The following TMTC1 variants were observed in gnomAD, a reference collection of about 807,000 sequenced individuals.
The protein encoded by TMTC1 is transmembrane O-mannosyltransferase targeting cadherins 1, also known as protein O-mannosyl-transferase TMTC1.
In TMTC1, 73 loss-of-function variants were observed where a neutral mutation model predicts 104.8. The ratio of observed to expected loss-of-function variants is 0.70; its 90% CI spans 0.58 to 0.85. The LOEUF (loss-of-function observed/expected upper bound fraction) is 0.85. TMTC1 is among the 40% of genes least tolerant of loss of function. The probability of loss-of-function intolerance (pLI) is 0.00; values close to 1 mark genes in which losing one functional copy is unlikely to be tolerated. For missense variants in TMTC1, 1,035 were observed against 1,096.1 expected (o/e 0.94, Z 0.79); for synonymous variants, 434 against 428.7 (o/e 1.01, Z -0.15).
At chr12:29,715,999 T>TCA (rs1942068038) in intron 5 of TMTC1, among the ~76,000 whole-genome samples, 1 of 139,686 alleles carries the variant, frequency 7.2e-6, no homozygotes, top group Admixed American at 7.0e-5. Flanking sequence ...ATTATTATTA[T>TCA]TATTATTATT....
chr12:29,599,423 T>C lies in TMTC1; in HGVS notation c.1250+4755A>G, dbSNP rs377042484. 8.2e-4 allele frequency among the ~76,000 whole-genome samples: 125 copies of C among 152,314 alleles called. 2 individuals carry two copies. The East Asian group carries it at 0.016, about 19-fold the overall frequency. On this transcript the variant is annotated intron_variant, in intron 7 of 17. Transcript: ENST00000539277. ...ATGCTAAGCAGATAGCCTATTTCTGTCCCTTTTATCCACAGATTTCAAAGT... is the reference window on the plus strand; with the variant it reads ...ATGCTAAGCAGATAGCCTATTTCTGCCCCTTTTATCCACAGATTTCAAAGT...
At chr12:29,650,096 T>G (rs1440959780) in intron 5 of TMTC1, among the ~76,000 whole-genome samples, 2 of 151,662 alleles carry the variant, frequency 1.3e-5, no homozygotes, top group Non-Finnish European at 2.9e-5. Flanking sequence ...TCTTTTTTTT[T>G]TTTTCTTTGA....
At position 29,625,602 on chromosome 12, in the gene TMTC1, T is replaced by C. The variant is rs527878235; in HGVS notation, c.1128+7545A>G. Among the ~76,000 whole-genome samples the C allele has an allele frequency of 4.6e-5, 7 of 152,348 alleles. No individual in the cohort carries two copies. The South Asian group carries it at 1.5e-3, about 32-fold the overall frequency. On this transcript the variant is annotated intron_variant, in intron 6 of 17. Coordinates refer to ENST00000539277, the MANE Select transcript of TMTC1 (RefSeq NM_001193451.2). The stretch of plus-strand genomic sequence containing the variant: ...CAGCTGGAATGTTCTGCTAAGTTTT[T>C]AGGATGCATTAAAGTGATTTTGAAA...
At chr12:29,772,950 T>C (rs1943627876) in intron 1 of TMTC1, among the ~76,000 whole-genome samples, 1 of 152,202 alleles carries the variant, frequency 6.6e-6, no homozygotes, top group Non-Finnish European at 1.5e-5. Flanking sequence ...TTACATTAAG[T>C]TGCAATTGGA....
At position 29,631,871 on chromosome 12, in the gene TMTC1, G is replaced by C. The variant is rs528003784; in HGVS notation, c.1128+1276C>G. Among the ~76,000 whole-genome samples the C allele has an allele frequency of 2.0e-5, 3 of 152,198 alleles. No homozygotes were observed. In the South Asian group the frequency reaches 6.2e-4, roughly 32 times the overall value. ...ATTTCTCTTGTGCCAACATGGCTTT[G>C]TGATCAGCCAATGATTTGGGCAGAG... On this transcript the variant is annotated intron_variant, in intron 6 of 17. Transcript: ENST00000539277.
chr12:29,648,245 T>C (rs1227972389), intron 5 of TMTC1, among the ~76,000 whole-genome samples: 1 of 152,184 alleles, frequency 6.6e-6, no homozygotes, highest in African/African-American at 2.4e-5. Flanking sequence ...TACTTTAACA[T>C]GATTCCCTAG....
At chr12:29,609,732 A>G (rs1006716722) in intron 6 of TMTC1, 2 of 152,292 alleles carry the variant, frequency 1.3e-5, no homozygotes, top group African/African-American at 4.8e-5. Context: ...AGAGGAACAG[A>G]AAGTGCCTGA....
chr12:29,733,589 A>G (rs1243501600), intron 5 of TMTC1, among the ~76,000 whole-genome samples: 1 of 152,172 alleles, frequency 6.6e-6, no homozygotes, highest in Non-Finnish European at 1.5e-5. Context: ...CCACACTCTT[A>G]TCTCCAATAT....
rs1362021871 is a variant in TMTC1, at chr12:29,693,545, CTAATAT to C, written c.938+58115_938+58120del. 9.8e-5 allele frequency among the ~76,000 whole-genome samples: 15 copies of C among 152,286 alleles called. No homozygotes were observed. In the East Asian group the frequency reaches 2.9e-3, roughly 29 times the overall value. ...TTCGTTCCCCACCCGTTCCCAGCCTCTAATATTAATAACTACTATTCTACTGTCTAC... is the reference window on the plus strand; with the variant it reads ...TTCGTTCCCCACCCGTTCCCAGCCTCTAATAACTACTATTCTACTGTCTAC... On this transcript the variant is annotated intron_variant, in intron 5 of 17. Coordinates refer to ENST00000539277, the MANE Select transcript of TMTC1 (RefSeq NM_001193451.2).
chr12:29,758,887 A>G, intron 2 of TMTC1, 110 bp from the exon 3 acceptor site: 4 of 940,900 alleles, frequency 4.3e-6, no homozygotes, highest in Non-Finnish European at 4.6e-6. Flanking sequence ...GGAAGATATA[A>G]TAAAATAGAA....
In TMTC1 at chr12:29,619,283, C is replaced by T. The variant is rs184555692; in HGVS notation, c.1128+13864G>A. ...GCAAAGAAAAAGACAAATGATTTAG[C>T]GATGTGTAAAACTTTTGCCAGGCCT... On this transcript the variant is annotated intron_variant, in intron 6 of 17. Coordinates refer to ENST00000539277, the MANE Select transcript of TMTC1 (RefSeq NM_001193451.2). Among the ~76,000 whole-genome samples the T allele has an allele frequency of 1.7e-3, 256 of 152,188 alleles. 1 individual carries two copies. Among genetic ancestry groups the T allele is most frequent in the African/African-American group, 3.9e-3 (164 of 41,536 alleles).
chr12:29,762,666 G>A lies in TMTC1; in HGVS notation c.481-3889C>T, dbSNP rs117504219. 9.9e-3 allele frequency among the ~76,000 whole-genome samples: 1,514 copies of A among 152,352 alleles called. 18 individuals carry two copies. The highest frequency in any genetic ancestry group is 0.016 in the Non-Finnish European group (1,122 of 68,034). On this transcript the variant is annotated intron_variant, in intron 2 of 17. Transcript: ENST00000539277. ...GCCAAAGAATACCATTGGCAATACA[G>A]AGCTGAAAGCTATTACCTGACGTGG...
At chr12:29,711,937 G>A (rs1941938856) in intron 5 of TMTC1, among the ~76,000 whole-genome samples, 1 of 148,402 alleles carries the variant, frequency 6.7e-6, no homozygotes, top group African/African-American at 2.5e-5. Flanking sequence ...AACCCAGGAG[G>A]CAGAGCTTGC....
chr12:29,566,555 G>A (rs1479755277), intron 9 of TMTC1, among the ~76,000 whole-genome samples: 1 of 152,172 alleles, frequency 6.6e-6, no homozygotes, highest in Admixed American at 6.5e-5. Flanking sequence ...CCCTGGGGCT[G>A]CTGTATTGAG....
chr12:29,736,343 C>T (rs1472024663), intron 5 of TMTC1, among the ~76,000 whole-genome samples: 5 of 151,736 alleles, frequency 3.3e-5, no homozygotes, highest in African/African-American at 1.2e-4. Flanking sequence ...TTTCATACTC[C>T]CCTGAATAAC....
intron 9 of TMTC1, among the ~76,000 whole-genome samples, chr12:29,570,891 C>A (rs1447720775): frequency 7.4e-5 from 11 of 147,920 alleles, no homozygotes; most frequent in African/African-American, 2.5e-4. Flanking sequence ...ACCCCCCCCC[C>A]CCGCCAAAAC....
intron 5 of TMTC1, among the ~76,000 whole-genome samples, chr12:29,714,507 T>C (rs1942024188): frequency 6.6e-6 from 1 of 152,228 alleles, no homozygotes; most frequent in Non-Finnish European, 1.5e-5. Flanking sequence ...TGCCACTGCT[T>C]TAATTCATGA....
At chr12:29,741,607 T>A (rs191814676) in intron 5 of TMTC1, among the ~76,000 whole-genome samples, 114 of 152,302 alleles carry the variant, frequency 7.5e-4, no homozygotes, top group African/African-American at 2.6e-3. Flanking sequence ...GTGCTATCTC[T>A]CATTTCTTTG....
chr12:29,780,313 A>T lies in TMTC1; in HGVS notation c.302+3137T>A, dbSNP rs150421554. On this transcript the variant is annotated intron_variant, in intron 1 of 17. Coordinates refer to ENST00000539277, the MANE Select transcript of TMTC1 (RefSeq NM_001193451.2). ...CCATACAATGGAATACAACTCAGCAATAAAAAGGAACAAACTATGGATACA... is the reference window on the plus strand; with the variant it reads ...CCATACAATGGAATACAACTCAGCATTAAAAAGGAACAAACTATGGATACA... 1.6e-4 allele frequency among the ~76,000 whole-genome samples: 25 copies of T among 152,390 alleles called. No individual in the cohort carries two copies. In the East Asian group the frequency reaches 4.6e-3, roughly 28 times the overall value.
Sources: allele counts gnomAD v4.1 joint callset (sites outside exome capture counted in the v4.1 genomes callset), GRCh38; gene constraint gnomAD v4.1.1; transcripts MANE v1.5; gene names NCBI Gene and HGNC (gene_info 2026-07-23, HGNC 2026-07-21).